SYT14: variants seen among roughly 807,000 people sequenced by gnomAD.
The protein encoded by SYT14 is synaptotagmin-14.
A neutral mutation model predicts 74.2 loss-of-function variants in SYT14; 32 were observed. The ratio of observed to expected loss-of-function variants is 0.43; its 90% CI spans 0.33 to 0.58. The LOEUF is 0.58. Among genes scored for constraint, SYT14 ranks in the 20% least tolerant of loss-of-function variants. SYT14 has a pLI of 0.05. For missense variants in SYT14, 791 were observed against 981.8 expected (o/e 0.81, Z 2.60); for synonymous variants, 298 against 337.7 (o/e 0.88, Z 1.29).
At chr1:210,010,549 G>A (rs761236950) in intron 2 of SYT14, among the ~76,000 whole-genome samples, 9 of 151,972 alleles carry the variant, frequency 5.9e-5, no homozygotes, top group East Asian at 1.9e-4. Context: ...CTTCTAAAGC[G>A]TTTTATGACT....
chr1:210,091,074 A>G (rs2081857599), intron 5 of SYT14, among the ~76,000 whole-genome samples: 1 of 152,232 alleles, frequency 6.6e-6, no homozygotes, highest in Admixed American at 6.5e-5. Context: ...TCCAGAAAAC[A>G]GTAGTGAAGT....
At chr1:210,083,111 G>T (rs1388082138) in intron 5 of SYT14, among the ~76,000 whole-genome samples, 4 of 130,616 alleles carry the variant, frequency 3.1e-5, no homozygotes, top group African/African-American at 1.0e-4. Context: ...CTCCCAAGTA[G>T]TTGGGATTGT....
intron 7 of SYT14, among the ~76,000 whole-genome samples, chr1:210,140,200 C>T (rs2082885854): frequency 6.6e-6 from 1 of 152,086 alleles, no homozygotes. Flanking sequence ...TTGTATTTCC[C>T]TAATGACTAA....
At chr1:210,150,138 C>T (rs2083129180) in intron 7 of SYT14, among the ~76,000 whole-genome samples, 1 of 152,100 alleles carries the variant, frequency 6.6e-6, no homozygotes, top group Non-Finnish European at 1.5e-5. Context: ...CTTCCTCTTT[C>T]CCATGACACT....
intron 7 of SYT14, among the ~76,000 whole-genome samples, chr1:210,105,604 C>T (rs2082143861): frequency 6.6e-6 from 1 of 152,202 alleles, no homozygotes; most frequent in South Asian, 2.1e-4. Flanking sequence ...CTAAGGAGTA[C>T]ATTAACCCCT....
chr1:209,997,776 C>T (rs562467656), intron 2 of SYT14, among the ~76,000 whole-genome samples: 1 of 151,902 alleles, frequency 6.6e-6, no homozygotes, highest in African/African-American at 2.4e-5. Context: ...ATGTAACAGG[C>T]CTGTATATGT....
chr1:209,945,637 A>T (rs1162811509), intron 1 of SYT14, among the ~76,000 whole-genome samples: 3 of 152,236 alleles, frequency 2.0e-5, no homozygotes, highest in African/African-American at 7.2e-5. Context: ...AGACATTTCT[A>T]AAGTAGCCTT....
chr1:210,107,480 A>G (rs541317402), intron 7 of SYT14, among the ~76,000 whole-genome samples: 6 of 152,316 alleles, frequency 3.9e-5, no homozygotes, highest in Admixed American at 6.5e-5. Flanking sequence ...AGTGTCTATC[A>G]TAGCTATAAA....
chr1:210,116,741 T>C (rs1055816772), intron 7 of SYT14, among the ~76,000 whole-genome samples: 3 of 152,222 alleles, frequency 2.0e-5, no homozygotes, highest in Non-Finnish European at 4.4e-5. Flanking sequence ...ATCTAAAACA[T>C]AGGTGTTCAA....
At chr1:210,161,804 T>C (rs1199654150) in exon 10 of SYT14, 1 of 453,870 alleles carries the variant, frequency 2.2e-6, no homozygotes, top group East Asian at 6.9e-5. Flanking sequence ...CGTAACTTTC[T>C]GTTGAAAGCA....
At chr1:210,036,190 G>A (rs529665125) in intron 5 of SYT14, among the ~76,000 whole-genome samples, 12 of 151,682 alleles carry the variant, frequency 7.9e-5, no homozygotes, top group Non-Finnish European at 1.6e-4. Context: ...GTTTTTTGTA[G>A]CTTGTTATAA....
At chr1:210,037,525 T>G (rs1056043211) in intron 5 of SYT14, among the ~76,000 whole-genome samples, 1 of 105,574 alleles carries the variant, frequency 9.5e-6, no homozygotes, top group African/African-American at 5.6e-5. Context: ...TTTGTGATTT[T>G]TCTGTTTTTT....
chr1:209,960,353 G>GT (rs2102709196), intron 2 of SYT14, among the ~76,000 whole-genome samples: 1 of 152,100 alleles, frequency 6.6e-6, no homozygotes, highest in East Asian at 1.9e-4. Flanking sequence ...GGTTAACTTT[G>GT]TTTTTTCAAT....
intron 7 of SYT14, among the ~76,000 whole-genome samples, chr1:210,154,437 G>A (rs1207199960): frequency 1.3e-4 from 20 of 152,076 alleles, no homozygotes; most frequent in Non-Finnish European, 1.5e-5. Context: ...GAAACTGGTC[G>A]CTGGTGCCAA....
intron 3 of SYT14, among the ~76,000 whole-genome samples, chr1:210,014,342 A>T (rs1288531705): frequency 6.6e-6 from 1 of 151,610 alleles, no homozygotes; most frequent in Non-Finnish European, 1.5e-5. Flanking sequence ...CATATATTAT[A>T]GTGTTACTAG....
intron 5 of SYT14, among the ~76,000 whole-genome samples, chr1:210,049,634 C>T (rs759133896): frequency 1.3e-5 from 2 of 152,054 alleles, no homozygotes; most frequent in Non-Finnish European, 2.9e-5. Flanking sequence ...CTCCCTGTGC[C>T]CATATGTTCT....
intron 5 of SYT14, among the ~76,000 whole-genome samples, chr1:210,073,971 A>G (rs917209567): frequency 3.9e-5 from 6 of 152,188 alleles, no homozygotes; most frequent in African/African-American, 1.4e-4. Flanking sequence ...ATTGAGTTTA[A>G]TAAAAACTCA....
intron 2 of SYT14, among the ~76,000 whole-genome samples, chr1:210,003,936 T>A (rs126278): frequency 0.54 from 82,174 of 151,638 alleles, 23,474 homozygotes; most frequent in African/African-American, 0.73. Context: ...TGCTTTTTAA[T>A]TTTTTTTCCT....
exon 10 of SYT14, chr1:210,163,935 A>G (rs571485553): frequency 2.2e-6 from 1 of 453,362 alleles, no homozygotes; most frequent in African/African-American, 2.0e-5. Flanking sequence ...CCACTTTCAT[A>G]CAGTTCTATT....
Sources: gnomAD v4.1 joint callset for allele counts (sites outside exome capture counted in the v4.1 genomes callset) on GRCh38, gnomAD v4.1.1 for gene constraint, MANE v1.5 for transcripts, NCBI Gene and HGNC (gene_info 2026-07-23, HGNC 2026-07-21) for gene names.